AGBL4: variants seen among roughly 807,000 people sequenced by gnomAD.
AGBL4 encodes the protein AGBL carboxypeptidase 4.
Under a neutral mutation model 66.4 loss-of-function variants are expected in AGBL4, and 58 were observed. The ratio of observed to expected loss-of-function variants is 0.87; its 90% CI spans 0.71 to 1.09. The LOEUF (loss-of-function observed/expected upper bound fraction) is 1.09, where lower values mean the gene tolerates loss of function less well. Among genes scored for constraint, AGBL4 ranks in the 50% least tolerant of loss-of-function variants. The pLI, the probability that AGBL4 is intolerant of heterozygous loss-of-function variation, is 0.00. For synonymous variants in AGBL4, 234 were observed against 222.9 expected (o/e 1.05, Z -0.44); for missense variants, 579 against 631.0 (o/e 0.92, Z 0.88).
rs549569674 is a variant in AGBL4, at chr1:49,028,268, G to C, written c.594+17316C>G. Among the ~76,000 whole-genome samples, 77 of 152,256 alleles carry C rather than the reference G, an allele frequency of 5.1e-4. 1 individual carries two copies. The highest frequency in any genetic ancestry group is 1.7e-3 in the African/African-American group (69 of 41,560). On this transcript the variant is annotated intron_variant, in intron 5 of 13. Coordinates refer to ENST00000371839, the MANE Select transcript of AGBL4 (RefSeq NM_032785.4). ...GGGGGCAGAGCAGCCTGAAAGACTA[G>C]CAATACCTTGCCCCTGCAAAAGGGG...
At chr1:48,651,815 G>A (rs1645935124) in intron 8 of AGBL4, among the ~76,000 whole-genome samples, 2 of 152,176 alleles carry the variant, frequency 1.3e-5, no homozygotes, top group South Asian at 2.1e-4. Context: ...TCCAGTCTGA[G>A]TTAGGCCACG....
At chr1:49,192,526 T>C (rs2148210305) in intron 4 of AGBL4, among the ~76,000 whole-genome samples, 1 of 152,344 alleles carries the variant, frequency 6.6e-6, no homozygotes, top group South Asian at 2.1e-4. Flanking sequence ...CGCAAACTCC[T>C]GACCTCAGGT....
chr1:49,726,041 T>C (rs1571413808), intron 2 of AGBL4, among the ~76,000 whole-genome samples: 1 of 151,748 alleles, frequency 6.6e-6, no homozygotes, highest in East Asian at 1.9e-4. Flanking sequence ...CTGGTGGGGG[T>C]TGAGGGAGAG....
At chr1:49,045,091 AC>A (rs1454835578) in intron 5 of AGBL4, among the ~76,000 whole-genome samples, 1 of 152,202 alleles carries the variant, frequency 6.6e-6, no homozygotes, top group Non-Finnish European at 1.5e-5. Context: ...CTGATGGATG[AC>A]AGAGACAGGG....
intron 5 of AGBL4, among the ~76,000 whole-genome samples, chr1:48,885,706 G>A (rs1650257505): frequency 6.6e-6 from 1 of 152,130 alleles, no homozygotes; most frequent in Non-Finnish European, 1.5e-5. Flanking sequence ...GGGTATAGGG[G>A]TAGTTGCAAA....
At chr1:49,482,584 AT>A (rs1486628666) in intron 3 of AGBL4, among the ~76,000 whole-genome samples, 2 of 149,600 alleles carry the variant, frequency 1.3e-5, no homozygotes, top group Non-Finnish European at 3.0e-5. Context: ...CCATTTCTGG[AT>A]TCTTTGATGT....
At chr1:49,103,265 G>A (rs570793477) in intron 4 of AGBL4, among the ~76,000 whole-genome samples, 1 of 152,258 alleles carries the variant, frequency 6.6e-6, no homozygotes, top group East Asian at 1.9e-4. Context: ...AGCTGAGACA[G>A]GTCCCTTAAC....
intron 3 of AGBL4, among the ~76,000 whole-genome samples, chr1:49,309,568 C>G (rs1644908283): frequency 6.6e-6 from 1 of 151,840 alleles, no homozygotes; most frequent in Non-Finnish European, 1.5e-5. Flanking sequence ...TATTGCTTAC[C>G]TCTGGTTACT....
At chr1:49,064,353 A>T (rs1475485972) in intron 4 of AGBL4, among the ~76,000 whole-genome samples, 1 of 152,220 alleles carries the variant, frequency 6.6e-6, no homozygotes, top group East Asian at 1.9e-4. Flanking sequence ...TTGCCAAAGC[A>T]CATGCACTAT....
chr1:48,847,984 A>G (rs1418324085), intron 6 of AGBL4, among the ~76,000 whole-genome samples: 1 of 152,206 alleles, frequency 6.6e-6, no homozygotes, highest in Non-Finnish European at 1.5e-5. Flanking sequence ...TTGTCTCATC[A>G]GAAGAACTGC....
At chr1:49,177,357 C>T (rs537086259) in intron 4 of AGBL4, among the ~76,000 whole-genome samples, 74 of 152,300 alleles carry the variant, frequency 4.9e-4, no homozygotes, top group African/African-American at 1.4e-3. Flanking sequence ...TCTAATCATT[C>T]CTATGTGCTC....
intron 3 of AGBL4, among the ~76,000 whole-genome samples, chr1:49,545,166 C>T (rs1478222351): frequency 6.6e-6 from 1 of 152,170 alleles, no homozygotes. Flanking sequence ...TATGAAGCTA[C>T]ATAACATTAT....
intron 1 of AGBL4, among the ~76,000 whole-genome samples, chr1:49,930,062 CTT>C (rs1349466086): frequency 6.6e-6 from 1 of 151,906 alleles, no homozygotes; most frequent in Non-Finnish European, 1.5e-5. Flanking sequence ...AATTGATACA[CTT>C]CACATGGTGA....
intron 1 of AGBL4, among the ~76,000 whole-genome samples, chr1:49,881,033 G>A (rs773320706): frequency 5.3e-5 from 8 of 152,114 alleles, no homozygotes; most frequent in African/African-American, 9.7e-5. Context: ...CACAGTGCGC[G>A]CACCCACTGG....
At chr1:49,546,607 T>C (rs926340818) in intron 3 of AGBL4, among the ~76,000 whole-genome samples, 4 of 152,180 alleles carry the variant, frequency 2.6e-5, no homozygotes, top group African/African-American at 9.6e-5. Flanking sequence ...CCATAGTGGC[T>C]GTACTAGTCC....
chr1:49,954,742 A>G (rs1011476901), intron 1 of AGBL4, among the ~76,000 whole-genome samples: 1 of 151,914 alleles, frequency 6.6e-6, no homozygotes, highest in Non-Finnish European at 1.5e-5. Context: ...CAATCCACTC[A>G]TCTTCCCCTT....
intron 3 of AGBL4, among the ~76,000 whole-genome samples, chr1:49,329,392 G>A (rs745944010): frequency 5.9e-5 from 9 of 151,820 alleles, no homozygotes; most frequent in Admixed American, 2.0e-4. Context: ...TGTGCCGGGC[G>A]CGGTGGTTCA....
chr1:48,708,420 A>G (rs1178093539), intron 6 of AGBL4, among the ~76,000 whole-genome samples: 2 of 152,164 alleles, frequency 1.3e-5, no homozygotes, highest in African/African-American at 4.8e-5. Flanking sequence ...ATTCTGAGAC[A>G]AGGCAGGGAT....
At chr1:48,695,860 G>C (rs1646705661) in intron 6 of AGBL4, among the ~76,000 whole-genome samples, 1 of 152,142 alleles carries the variant, frequency 6.6e-6, no homozygotes, top group Non-Finnish European at 1.5e-5. Context: ...TACTAGCCTA[G>C]ACCACCACCA....
Sources: gnomAD v4.1 joint callset for allele counts (sites outside exome capture counted in the v4.1 genomes callset) on GRCh38, gnomAD v4.1.1 for gene constraint, MANE v1.5 for transcripts, NCBI Gene and HGNC (gene_info 2026-07-23, HGNC 2026-07-21) for gene names.